The following CEP290 variants were observed in gnomAD, a reference collection of about 807,000 sequenced individuals.
CEP290 encodes centrosomal protein 290.
CEP290 carries 317 observed loss-of-function variants against 344.9 expected under a neutral mutation model. The observed-to-expected ratio is 0.92, with a 90% CI of 0.84 to 1.01. CEP290 has a LOEUF of 1.01. Ranked by LOEUF, CEP290 falls within the 50% of genes least tolerant of loss-of-function variation. The pLI is 0.00. For synonymous variants in CEP290, 932 were observed against 895.8 expected (o/e 1.04, Z -0.72); for missense variants, 2,754 against 2,761.4 (o/e 1.00, Z 0.06).
intron 40 of CEP290, 29 bp downstream of exon 40, chr12:88,077,668 G>T: frequency 1.6e-6 from 2 of 1,246,586 alleles, no homozygotes; most frequent in Non-Finnish European, 2.3e-6. Context: ...TTGTAAATCA[G>T]ACATTATCAG....
chr12:88,049,098 A>G lies in CEP290; in HGVS notation c.*86T>C, dbSNP rs909671522. On this transcript the variant is annotated 3_prime_UTR_variant, in exon 54 of 54. Coordinates refer to ENST00000552810, the MANE Select transcript of CEP290 (RefSeq NM_025114.4). ...TACAAGGTAGTGAGAAGGAAATACT[A>G]CAGTTCGGAGAACTGCTTATTTCCA... 15 of 708,376 alleles carry G rather than the reference A, an allele frequency of 2.1e-5. No individual in the cohort carries two copies. The highest frequency in any genetic ancestry group is 3.0e-5 in the Non-Finnish European group (13 of 426,522). 43.9% of individuals were successfully genotyped at this position (708,376 alleles called of 1,614,324 possible).
At chr12:88,085,991 A>G in intron 34 of CEP290, 48 bp downstream of exon 34, 1 of 1,541,206 alleles carries the variant, frequency 6.5e-7, no homozygotes, top group Non-Finnish European at 8.8e-7. Context: ...AAAGCCCCCC[A>G]AACATACCAA....
chr12:88,111,154 G>T, intron 22 of CEP290, 48 bp downstream of exon 22: 1 of 1,088,344 alleles, frequency 9.2e-7, no homozygotes, highest in Non-Finnish European at 1.2e-6. Flanking sequence ...AATGATTTTT[G>T]TTATTCACAT....
At chr12:88,129,958 A>G (rs777494896) in intron 9 of CEP290, 82 bp from the exon 10 acceptor site, 170 of 879,938 alleles carry the variant, frequency 1.9e-4, no homozygotes, top group Non-Finnish European at 2.5e-4. Context: ...AAACGCAGCC[A>G]TAAGTGTCCT....
Position 88,083,178 on chromosome 12 carries a change from C to A in CEP290, c.4865G>T (p.Arg1622Leu), listed in dbSNP as rs758453972. Residue 1622 changes from arginine to leucine, a missense_variant, in exon 37 of 54, where the codon CGT becomes CTT. Transcript: ENST00000552810. ...TPVPTNKHFI[R>L]LAEMEQTVAE... The stretch of plus-strand genomic sequence containing the variant: ...TACTGTCTGTTCCATCTCAGCCAGA[C>A]GAATAAAATGCTTGTTGGTAGGAAC... 3 of 1,531,514 alleles carry A rather than the reference C, an allele frequency of 2.0e-6. No individual in the cohort carries two copies. Among genetic ancestry groups the A allele is most frequent in the South Asian group, 2.6e-5 (2 of 75,970 alleles). 94.9% of individuals were successfully genotyped at this position (1,531,514 alleles called of 1,614,324 possible).
intron 32 of CEP290, 26 bp from the exon 33 acceptor site, chr12:88,086,524 A>T: frequency 6.6e-7 from 1 of 1,519,056 alleles, no homozygotes; most frequent in Non-Finnish European, 9.0e-7. Flanking sequence ...TTTGTGTCAG[A>T]CACATACACG....
chr12:88,133,356 G>A (rs1378976403), intron 6 of CEP290, among the ~76,000 whole-genome samples: 1 of 152,022 alleles, frequency 6.6e-6, no homozygotes, highest in Non-Finnish European at 1.5e-5. Context: ...CAAAGTGCTG[G>A]GACTGTAGGC....
At position 88,076,551 on chromosome 12, in the gene CEP290, G is replaced by C. The variant is rs137994805; in HGVS notation, c.5709+671C>G. Among the ~76,000 whole-genome samples the C allele has an allele frequency of 3.9e-5, 6 of 152,018 alleles. No individual in the cohort carries two copies. The East Asian group carries it at 1.2e-3, about 29-fold the overall frequency. ...TCGATATTTTGAATGTTACCAACAA[G>C]TTATCTCCAATTTATTGTCCATAAC... is the stretch of plus-strand genomic sequence containing the variant. On this transcript the variant is annotated intron_variant, in intron 41 of 53. Transcript: ENST00000552810.
At chr12:88,112,597 G>C (rs966081432) in intron 20 of CEP290, among the ~76,000 whole-genome samples, 2 of 152,014 alleles carry the variant, frequency 1.3e-5, no homozygotes, top group African/African-American at 2.4e-5. Flanking sequence ...TTGGACTTTA[G>C]ATGAACTGTA....
Position 88,058,920 on chromosome 12 carries a change from T to C in CEP290, c.6746A>G (p.Gln2249Arg), listed in dbSNP as rs148484148. ...CTGTGGACCTCTGCTTTCTGCAAAC[T>C]GCAATCTCTTACCAGTCTCTTCTAG... ...VQLEETGKRLQFAESRGPQLE... is the reference protein window; with the variant it reads ...VQLEETGKRLRFAESRGPQLE... Residue 2249 changes from glutamine (Q) to arginine (R), a missense_variant, in exon 49 of 54, where the codon CAG (glutamine) becomes CGG (arginine). Coordinates refer to ENST00000552810, the MANE Select transcript of CEP290 (RefSeq NM_025114.4). The C allele has an allele frequency of 1.2e-6, 2 of 1,613,940 alleles. No homozygotes were observed. Among genetic ancestry groups the C allele is most frequent in the Non-Finnish European group, 8.5e-7 (1 of 1,179,846 alleles).
At chr12:88,060,739 T>C in intron 47 of CEP290, 91 bp downstream of exon 47, 1 of 957,432 alleles carries the variant, frequency 1.0e-6, no homozygotes, top group South Asian at 1.7e-5. Context: ...TTAAAGCCAT[T>C]TTATATAGTA....
chr12:88,126,255 T>G (rs2039721765), intron 12 of CEP290, 61 bp downstream of exon 12: 3 of 1,315,942 alleles, frequency 2.3e-6, no homozygotes, highest in Non-Finnish European at 3.0e-6. Context: ...ATAAAAGACA[T>G]CGTTCAGAGT....
At chr12:88,121,437 G>A (rs577580080) in intron 13 of CEP290, among the ~76,000 whole-genome samples, 1 of 152,190 alleles carries the variant, frequency 6.6e-6, no homozygotes, top group South Asian at 2.1e-4. Flanking sequence ...TTGTGATACA[G>A]ACTGCTAGCT....
intron 14 of CEP290, 121 bp downstream of exon 14, chr12:88,120,876 A>G: frequency 1.3e-6 from 1 of 798,260 alleles, no homozygotes; most frequent in East Asian, 2.8e-5. Flanking sequence ...AATGAGGATA[A>G]TCTTTATCAA....
chr12:88,058,798 C>T, intron 49 of CEP290, 50 bp downstream of exon 49: 1 of 1,582,698 alleles, frequency 6.3e-7, no homozygotes, highest in Non-Finnish European at 8.6e-7. Context: ...AAAACAATGC[C>T]AAAATTTGAA....
chr12:88,084,038 A>C lies in CEP290; in HGVS notation c.4705-84T>G, dbSNP rs919816970. The C allele has an allele frequency of 8.6e-5, 71 of 828,672 alleles. No homozygotes were observed. In the African/African-American group the frequency reaches 1.0e-3, roughly 12 times the overall value. The allele number at this position is 828,672 out of a possible 1,614,324, so 51.3% of individuals were successfully genotyped here. Reference sequence around the variant, plus strand: ...TGAAGACCTTATATATTTTCTCTTCAATCTTCTAAAATTCCTTTGAGATGA... The same window carrying C: ...TGAAGACCTTATATATTTTCTCTTCCATCTTCTAAAATTCCTTTGAGATGA... On this transcript the variant is annotated intron_variant, in intron 35 of 53. Transcript: ENST00000552810.
intron 43 of CEP290, among the ~76,000 whole-genome samples, chr12:88,070,698 G>C (rs1374513813): frequency 6.6e-6 from 1 of 152,032 alleles, no homozygotes; most frequent in South Asian, 2.1e-4. Flanking sequence ...TGCAATTCCT[G>C]AAGTACATGG....
At position 88,087,865 on chromosome 12, in the gene CEP290, T is replaced by C; in HGVS notation, c.4109A>G (p.Glu1370Gly). Residue 1370 changes from glutamate (E) to glycine (G), a missense_variant, in exon 32 of 54, where the codon GAA becomes GGA. Coordinates refer to ENST00000552810, the MANE Select transcript of CEP290 (RefSeq NM_025114.4). The stretch of plus-strand genomic sequence containing the variant: ...TATGTTATTCAAATATTTTATTTCT[T>C]CTTTATCCTTGACTAATTCCCGATT... ...KLNRELVKDK[E>G]EIKYLNNIIS... is the part of the protein sequence containing the mutation. 1 of 1,253,960 alleles carries C rather than the reference T, an allele frequency of 8.0e-7. No individual in the cohort carries two copies. Among genetic ancestry groups the C allele is most frequent in the East Asian group, 3.1e-5 (1 of 32,314 alleles). 77.7% of individuals were successfully genotyped at this position (1,253,960 alleles called of 1,614,324 possible). A position where few individuals can be genotyped will look rare whatever the true frequency, so the allele number is the denominator to read the frequency against.
chr12:88,092,069 C>T (rs554207508), intron 29 of CEP290, among the ~76,000 whole-genome samples: 13 of 152,200 alleles, frequency 8.5e-5, no homozygotes, highest in African/African-American at 1.7e-4. Context: ...CATGTCACCA[C>T]GCCCAGCCAG....
Sources: allele counts gnomAD v4.1 joint callset (sites outside exome capture counted in the v4.1 genomes callset), GRCh38; gene constraint gnomAD v4.1.1; transcripts MANE v1.5; gene names NCBI Gene and HGNC (gene_info 2026-07-23, HGNC 2026-07-21).